Variants in COL23A1 observed in about 807,000 individuals in gnomAD.
COL23A1 encodes the protein collagen type XXIII alpha 1 chain.
A neutral mutation model predicts 99.3 loss-of-function variants in COL23A1; 97 were observed. The ratio of observed to expected loss-of-function variants is 0.98; its 90% confidence interval spans 0.83 to 1.16. COL23A1 has a LOEUF of 1.16. Among genes scored for constraint, COL23A1 ranks in the 50% most tolerant of loss-of-function variants. COL23A1 has a pLI of 0.00. For synonymous variants in COL23A1, 320 were observed against 308.2 expected (o/e 1.04, Z -0.40); for missense variants, 762 against 757.4 (o/e 1.01, Z -0.07).
intron 2 of COL23A1, among the ~76,000 whole-genome samples, chr5:178,430,193 T>G (rs1171092212): frequency 1.3e-5 from 2 of 152,168 alleles, no homozygotes; most frequent in Non-Finnish European, 2.9e-5. Context: ...TTATCTTGAT[T>G]GGACATTCAT....
chr5:178,463,532 C>T (rs548799790), intron 2 of COL23A1, among the ~76,000 whole-genome samples: 69 of 152,242 alleles, frequency 4.5e-4, no homozygotes, highest in African/African-American at 1.6e-3. Context: ...ACACCTTGTC[C>T]CCCGCACTTT....
chr5:178,423,404 A>C (rs932099349), intron 2 of COL23A1, among the ~76,000 whole-genome samples: 23 of 152,202 alleles, frequency 1.5e-4, no homozygotes, highest in African/African-American at 4.8e-4. Context: ...AGAATGAACC[A>C]GTGATCTATG....
At chr5:178,298,584 A>C (rs1050943555) in intron 3 of COL23A1, among the ~76,000 whole-genome samples, 12 of 151,714 alleles carry the variant, frequency 7.9e-5, no homozygotes, top group Middle Eastern at 3.4e-3. Flanking sequence ...TTGCCCCTGG[A>C]CTCCCAACTT....
Position 178,307,708 on chromosome 5 carries a change from C to T in COL23A1, c.362-789G>A, listed in dbSNP as rs887517880. Among the ~76,000 whole-genome samples the T allele has an allele frequency of 6.6e-6, 1 of 152,240 alleles. No homozygotes were observed. The highest frequency in any genetic ancestry group is 2.1e-4 in the South Asian group (1 of 4,832). ...CCTCTCCCTCCCCTCACCTCTGTGG[C>T]GCTCACTGCCATCCTTCCTGGCGCC... On this transcript the variant is annotated intron_variant, in intron 2 of 28. Transcript: ENST00000390654. The surrounding 1 kb of genome is among the most constrained non-coding windows in gnomAD (Gnocchi z 4.2).
In COL23A1 at chr5:178,365,196, G is replaced by C. The variant is rs1315010773; in HGVS notation, c.362-58277C>G. On this transcript the variant is annotated intron_variant, in intron 2 of 28. Coordinates refer to ENST00000390654, the MANE Select transcript of COL23A1 (RefSeq NM_173465.4). This position sits in a 1 kb window ranked among gnomAD's most constrained non-coding sequence, Gnocchi z 5.2. ...GATAAATAAGCAAAATTGTTTTCCT[G>C]GGACTCCATCCAGGAACATTAGATA... 6.6e-6 allele frequency among the ~76,000 whole-genome samples: 1 copy of C among 151,170 alleles called. No individual in the cohort carries two copies. The highest frequency in any genetic ancestry group is 1.5e-5 in the Non-Finnish European group (1 of 67,904).
intron 8 of COL23A1, among the ~76,000 whole-genome samples, chr5:178,263,595 T>C (rs1193636242): frequency 6.6e-6 from 1 of 152,200 alleles, no homozygotes; most frequent in East Asian, 1.9e-4. Context: ...ATCCAGTGTT[T>C]AGGAGAGAGA....
intron 2 of COL23A1, among the ~76,000 whole-genome samples, chr5:178,324,776 A>G (rs1759549158): frequency 6.6e-6 from 1 of 152,162 alleles, no homozygotes; most frequent in African/African-American, 2.4e-5. Flanking sequence ...GGCCAGAACC[A>G]AGGTCCTCTC....
intron 2 of COL23A1, among the ~76,000 whole-genome samples, chr5:178,445,076 G>A (rs1008056700): frequency 2.0e-5 from 3 of 152,236 alleles, no homozygotes; most frequent in African/African-American, 7.2e-5. Context: ...TAGCAAATTT[G>A]ATTTAAACAC....
intron 2 of COL23A1, among the ~76,000 whole-genome samples, chr5:178,433,831 T>C (rs1766399044): frequency 6.6e-6 from 1 of 152,160 alleles, no homozygotes; most frequent in African/African-American, 2.4e-5. Flanking sequence ...AGATTACTGT[T>C]TTTGGAGATG....
chr5:178,527,483 G>A (rs6860222), intron 2 of COL23A1, among the ~76,000 whole-genome samples: 1 of 152,236 alleles, frequency 6.6e-6, no homozygotes, highest in African/African-American at 2.4e-5. Context: ...CCTTCTAAGA[G>A]AACGTCTCCT....
rs542853641 is a variant in COL23A1 at position 178,557,730 on chromosome 5, T to C, written c.361+2952A>G. Among the ~76,000 whole-genome samples, 11 of 152,290 alleles carry C rather than the reference T, an allele frequency of 7.2e-5. No individual in the cohort carries two copies. The South Asian group carries it at 1.0e-3, about 14-fold the overall frequency. On this transcript the variant is annotated intron_variant, in intron 2 of 28. Coordinates refer to ENST00000390654, the MANE Select transcript of COL23A1 (RefSeq NM_173465.4). ...CACTCCAAAAGCCCGAGGGACACGCTGGAGAGCCTTGGAGCCTTGGAGCCG... is the reference window on the plus strand; with the variant it reads ...CACTCCAAAAGCCCGAGGGACACGCCGGAGAGCCTTGGAGCCTTGGAGCCG...
chr5:178,260,209 T>C (rs1342177236), intron 11 of COL23A1, among the ~76,000 whole-genome samples: 1 of 152,216 alleles, frequency 6.6e-6, no homozygotes, highest in African/African-American at 2.4e-5. Flanking sequence ...AACCTGCACA[T>C]GGACGCTGAC....
At chr5:178,273,194 T>A (rs939607451) in intron 5 of COL23A1, among the ~76,000 whole-genome samples, 4 of 152,194 alleles carry the variant, frequency 2.6e-5, no homozygotes, top group Non-Finnish European at 5.9e-5. Flanking sequence ...GAAGTGCCCG[T>A]GGAAGGGAGC....
At chr5:178,333,140 T>C (rs572066415) in intron 2 of COL23A1, among the ~76,000 whole-genome samples, 12 of 152,132 alleles carry the variant, frequency 7.9e-5, no homozygotes, top group Admixed American at 5.2e-4. Flanking sequence ...GTATTTTTAA[T>C]AGAGACGGGG....
chr5:178,249,683 A>AACACACACACACAC (rs746295532), intron 18 of COL23A1, among the ~76,000 whole-genome samples: 47 of 118,358 alleles, frequency 4.0e-4, no homozygotes, highest in African/African-American at 1.9e-3. Context: ...TGTATAGGAT[A>AACACACACACACAC]ACACACACAC....
At chr5:178,305,372 G>A (rs551590894) in intron 3 of COL23A1, among the ~76,000 whole-genome samples, 2 of 150,544 alleles carry the variant, frequency 1.3e-5, no homozygotes, top group African/African-American at 4.9e-5. Flanking sequence ...AAGAGTCTGA[G>A]GCCTGGAGAA....
At chr5:178,455,007 C>T (rs1010297828) in intron 2 of COL23A1, among the ~76,000 whole-genome samples, 5 of 152,348 alleles carry the variant, frequency 3.3e-5, no homozygotes, top group African/African-American at 7.2e-5. Flanking sequence ...GCAGCTGGGC[C>T]GCTCCTCTCT....
chr5:178,552,547 C>T (rs1294830773), intron 2 of COL23A1, among the ~76,000 whole-genome samples: 1 of 151,676 alleles, frequency 6.6e-6, no homozygotes, highest in Non-Finnish European at 1.5e-5. Context: ...AAAAAATAAT[C>T]CCAAAAAGGG....
At chr5:178,290,248 G>T in intron 4 of COL23A1, 114 bp downstream of exon 4, 1 of 1,470,876 alleles carries the variant, frequency 6.8e-7, no homozygotes, top group Non-Finnish European at 9.5e-7. Flanking sequence ...TAATAGGACT[G>T]ATGTTTTCTG....
Sources: gnomAD v4.1 joint callset for allele counts (sites outside exome capture counted in the v4.1 genomes callset) on GRCh38, gnomAD v4.1.1 for gene constraint, Gnocchi (gnomAD v3.1) non-coding constraint, MANE v1.5 for transcripts, NCBI Gene and HGNC (gene_info 2026-07-23, HGNC 2026-07-21) for gene names.